The following DNM3 variants were observed in gnomAD, a reference collection of about 807,000 sequenced individuals.
DNM3 encodes the protein dynamin 3.
DNM3 carries 47 observed loss-of-function variants against 101.6 expected under a neutral mutation model. The ratio of observed to expected loss-of-function variants is 0.46; its 90% CI spans 0.37 to 0.59. The LOEUF (loss-of-function observed/expected upper bound fraction) is 0.59. DNM3 is among the 20% of genes least tolerant of loss of function. DNM3 has a pLI of 0.00. For synonymous variants in DNM3, 385 were observed against 387.9 expected, an observed-to-expected ratio of 0.99 and a Z score of 0.09; for missense variants, 849 against 1,085.7, an observed-to-expected ratio of 0.78 and a Z score of 3.06.
chr1:172,239,798 C>CTTTTTTTTTTTTTTTTTTTTTTT (rs369238528), intron 14 of DNM3, among the ~76,000 whole-genome samples: 4 of 106,868 alleles, frequency 3.7e-5, no homozygotes, highest in African/African-American at 1.4e-4. Context: ...CTTTTTTTTT[C>CTTTTTTTTTTTTTTTTTTTTTTT]TCTTTTTTTT....
chr1:172,231,535 A>C (rs1446328172), intron 14 of DNM3, among the ~76,000 whole-genome samples: 1 of 152,092 alleles, frequency 6.6e-6, no homozygotes, highest in Non-Finnish European at 1.5e-5. Flanking sequence ...AAATCAGAGC[A>C]CCTCTCCTCC....
At position 172,071,086 on chromosome 1, in the gene DNM3, C is replaced by CATATATATATATATATATATATAT. The variant is rs56255511; in HGVS notation, c.1422+2192_1422+2215dup. 1.2e-3 allele frequency among the ~76,000 whole-genome samples: 78 copies of CATATATATATATATATATATATAT among 65,052 alleles called. 1 individual carries two copies. Among genetic ancestry groups the CATATATATATATATATATATATAT allele is most frequent in the East Asian group, 4.1e-3 (6 of 1,452 alleles). The allele number at this position is 65,052 out of a possible 152,430, so 42.7% of individuals were successfully genotyped here. On this transcript the variant is annotated intron_variant, in intron 11 of 20. Transcript: ENST00000627582. ...GCCTGGGTGACAGAGCAAGACCCTG[C>CATATATATATATATATATATATAT]ATATATATATATATATATATATATA...
chr1:171,896,071 G>T (rs992622996), intron 1 of DNM3, among the ~76,000 whole-genome samples: 7 of 152,116 alleles, frequency 4.6e-5, no homozygotes, highest in African/African-American at 1.7e-4. Context: ...GTCAGGTAGC[G>T]TGATGCCTCC....
At chr1:172,285,078 C>T (rs1245927220) in intron 15 of DNM3, among the ~76,000 whole-genome samples, 3 of 152,212 alleles carry the variant, frequency 2.0e-5, no homozygotes, top group Non-Finnish European at 4.4e-5. Context: ...GCATGCCATA[C>T]AGTCCCTCAC....
intron 17 of DNM3, among the ~76,000 whole-genome samples, chr1:172,324,481 C>T (rs891657589): frequency 6.6e-6 from 1 of 151,978 alleles, no homozygotes; most frequent in Non-Finnish European, 1.5e-5. Context: ...CTGCTTATAA[C>T]CCAAGTAATA....
chr1:172,265,275 C>A (rs982343591), intron 15 of DNM3, among the ~76,000 whole-genome samples: 3 of 151,848 alleles, frequency 2.0e-5, no homozygotes, highest in African/African-American at 7.3e-5. Flanking sequence ...CTTCGGTGTC[C>A]TGGTGAATTA....
intron 14 of DNM3, among the ~76,000 whole-genome samples, chr1:172,135,090 A>T (rs1482765631): frequency 1.3e-5 from 2 of 152,164 alleles, no homozygotes; most frequent in Non-Finnish European, 2.9e-5. Context: ...TGTGGTCTGC[A>T]TAGATAATGG....
chr1:172,013,150 G>A (rs1469829467), intron 4 of DNM3, among the ~76,000 whole-genome samples: 1 of 151,798 alleles, frequency 6.6e-6, no homozygotes, highest in Non-Finnish European at 1.5e-5. Context: ...TCCAGTGTAC[G>A]CAGTGTTCCA....
chr1:171,882,283 C>T (rs913220797), intron 1 of DNM3, among the ~76,000 whole-genome samples: 1 of 142,406 alleles, frequency 7.0e-6, no homozygotes, highest in Non-Finnish European at 1.5e-5. Flanking sequence ...GCGGAGGTTG[C>T]GGTGAGCCGA....
chr1:172,029,533 A>G (rs1321292149), intron 4 of DNM3, among the ~76,000 whole-genome samples: 1 of 152,212 alleles, frequency 6.6e-6, no homozygotes, highest in Admixed American at 6.5e-5. Flanking sequence ...CCTATTCAAC[A>G]TAGCATTGGA....
intron 14 of DNM3, among the ~76,000 whole-genome samples, chr1:172,147,246 A>T (rs1011706431): frequency 6.6e-6 from 1 of 152,126 alleles, no homozygotes; most frequent in Non-Finnish European, 1.5e-5. Flanking sequence ...ATCTGTTACC[A>T]AGTGCAGTTT....
intron 2 of DNM3, among the ~76,000 whole-genome samples, chr1:171,945,655 T>A (rs2042127021): frequency 1.3e-5 from 2 of 152,162 alleles, no homozygotes. Flanking sequence ...TTTTCCTTTT[T>A]TTTGGTTTGA....
chr1:172,099,025 A>G (rs1244152251), intron 13 of DNM3, among the ~76,000 whole-genome samples: 1 of 152,200 alleles, frequency 6.6e-6, no homozygotes, highest in Non-Finnish European at 1.5e-5. Flanking sequence ...AAGGTGGCAT[A>G]AAGCTGAGGA....
chr1:172,133,990 A>G (rs1375918408), intron 14 of DNM3, among the ~76,000 whole-genome samples: 3 of 152,126 alleles, frequency 2.0e-5, no homozygotes, highest in Admixed American at 6.6e-5. Flanking sequence ...GATTGGATTG[A>G]TGGTTTAGAA....
intron 4 of DNM3, among the ~76,000 whole-genome samples, chr1:172,018,349 T>C (rs1360437002): frequency 6.6e-6 from 1 of 152,220 alleles, no homozygotes; most frequent in Non-Finnish European, 1.5e-5. Context: ...TTTTATCTTC[T>C]TTCTTAGTAT....
At chr1:172,053,848 A>G (rs545941013) in intron 10 of DNM3, among the ~76,000 whole-genome samples, 1 of 152,208 alleles carries the variant, frequency 6.6e-6, no homozygotes, top group Admixed American at 6.5e-5. Flanking sequence ...TAATTAAAAT[A>G]TTTTGCAAAG....
chr1:172,411,533 A>C lies in DNM3; in HGVS notation c.*3692A>C, dbSNP rs2071203707. 1 of 976,180 alleles carries C rather than the reference A, an allele frequency of 1.0e-6. No homozygotes were observed. The highest frequency in any genetic ancestry group is 1.2e-6 in the Non-Finnish European group (1 of 825,082). The allele number at this position is 976,180 out of a possible 1,614,324, so 60.5% of individuals were successfully genotyped here. A position where few individuals can be genotyped will look rare whatever the true frequency, so the allele number is the denominator to read the frequency against. ...TACATAGTCATTTTTCCTCTATGGT[A>C]GAAGTAAAAAAAAAAAAAAAGGACA... On this transcript the variant is annotated 3_prime_UTR_variant, in exon 21 of 21. Coordinates refer to ENST00000627582, the MANE Select transcript of DNM3 (RefSeq NM_015569.5).
In DNM3 at chr1:172,417,835, T is replaced by G. The variant is rs923469123; in HGVS notation, c.2541-446T>G. Among the ~76,000 whole-genome samples, 5 of 152,152 alleles carry G rather than the reference T, an allele frequency of 3.3e-5. No homozygotes were observed. The South Asian group carries it at 8.3e-4, about 25-fold the overall frequency. On this transcript the variant is annotated intron_variant, in intron 20 of 20. Coordinates refer to the DNM3 transcript ENST00000485254. ...TTAACCTGCCATTGGCTACATCAACTCCCTCTCCCCCTATGGAGATTTCAC... is the reference window on the plus strand; with the variant it reads ...TTAACCTGCCATTGGCTACATCAACGCCCTCTCCCCCTATGGAGATTTCAC...
At chr1:172,320,269 T>TC (rs2065638241) in intron 16 of DNM3, among the ~76,000 whole-genome samples, 1 of 151,218 alleles carries the variant, frequency 6.6e-6, no homozygotes, top group African/African-American at 2.4e-5. Context: ...CATTAGGAGA[T>TC]ATAGCTAATG....
Sources: allele counts gnomAD v4.1 joint callset (sites outside exome capture counted in the v4.1 genomes callset), GRCh38; gene constraint gnomAD v4.1.1; transcripts MANE v1.5; gene names NCBI Gene and HGNC (gene_info 2026-07-23, HGNC 2026-07-21).